Variants in STAB2 observed in about 807,000 individuals in gnomAD.
STAB2 encodes the protein stabilin 2, also known as stabilin-2.
In STAB2, 288 loss-of-function variants were observed where a neutral mutation model predicts 338.1. That is an observed-to-expected ratio of 0.85 (90% CI 0.77 to 0.94). The LOEUF (loss-of-function observed/expected upper bound fraction) is 0.94, where lower values mean the gene tolerates loss of function less well. STAB2 is among the 40% of genes least tolerant of loss of function. The probability of loss-of-function intolerance (pLI) is 0.00; values close to 1 mark genes in which losing one functional copy is unlikely to be tolerated. For missense variants in STAB2, 3,141 were observed against 3,210.1 expected, an observed-to-expected ratio of 0.98 and a Z score of 0.52; for synonymous variants, 1,202 against 1,193.3, an observed-to-expected ratio of 1.01 and a Z score of -0.15.
intron 20 of STAB2, 104 bp downstream of exon 20, chr12:103,668,833 C>T: frequency 1.0e-6 from 1 of 990,702 alleles, no homozygotes. Context: ...GTGGCCCGTG[C>T]TTGCTGTTGT....
At chr12:103,704,752 A>G (rs1593259620) in intron 36 of STAB2, 138 bp downstream of exon 36, 3 of 733,726 alleles carry the variant, frequency 4.1e-6, no homozygotes, top group Non-Finnish European at 6.4e-6. Context: ...TCGTTATATT[A>G]TATGCATCTT....
At chr12:103,737,598 CTCTTTCTCTTTTTTT>C in intron 52 of STAB2, 21 bp from the exon 53 acceptor site, 1 of 1,253,072 alleles carries the variant, frequency 8.0e-7, no homozygotes, top group Non-Finnish European at 1.1e-6. Context: ...CTCTCTCTCT[CTCTTTCTCTTTTTTT>C]TTTTTTTTTT....
rs201724797 is a variant in STAB2, at chr12:103,650,559, A to G, written c.1238A>G (p.Lys413Arg). Residue 413 changes from lysine (K) to arginine (R), a missense_variant, in exon 11 of 69, where the codon AAG (lysine) becomes AGG (arginine). By Grantham distance (26) the Lys-to-Arg change is conservative. Transcript: ENST00000388887. ...TTCACGGTGCTGTTACCTACAGACA[A>G]GGGACTGAAAGGATTCAATGTGAGT... ...GPFTVLLPTD[K>R]GLKGFNVNEL... 10 of 1,613,016 alleles carry G rather than the reference A, an allele frequency of 6.2e-6. No homozygotes were observed. Among genetic ancestry groups the G allele is most frequent in the Non-Finnish European group, 7.6e-6 (9 of 1,179,150 alleles).
At chr12:103,745,062 C>T in intron 56 of STAB2, 111 bp from the exon 57 acceptor site, 3 of 835,434 alleles carry the variant, frequency 3.6e-6, no homozygotes, top group Non-Finnish European at 3.6e-6. Flanking sequence ...ATGACTGTGA[C>T]ATAAGCATGG....
At chr12:103,646,764 G>A (rs756274386) in intron 9 of STAB2, among the ~76,000 whole-genome samples, 2 of 152,184 alleles carry the variant, frequency 1.3e-5, no homozygotes, top group Non-Finnish European at 2.9e-5. Flanking sequence ...TGCCCTAAGT[G>A]CTAGGATATA....
chr12:103,727,412 C>T lies in STAB2; in HGVS notation c.4935+62C>T, dbSNP rs972651308. On this transcript the variant is annotated intron_variant, in intron 47 of 68. Transcript: ENST00000388887. Reference sequence around the variant, plus strand: ...CGGCTGGAACATAGTCCTTGGGCCTCGCCCTGGAACCAAGACTGGAGATGT... The same window carrying T: ...CGGCTGGAACATAGTCCTTGGGCCTTGCCCTGGAACCAAGACTGGAGATGT... 14 of 1,562,762 alleles carry T rather than the reference C, an allele frequency of 9.0e-6. No individual in the cohort carries two copies. In the African/African-American group the frequency reaches 9.5e-5, roughly 11 times the overall value.
chr12:103,766,030 T>A (rs989109821), intron 68 of STAB2: 10 of 639,376 alleles, frequency 1.6e-5, no homozygotes, highest in Admixed American at 2.1e-5. Flanking sequence ...CCTTTGTAGA[T>A]GAAGAAACTG....
At chr12:103,677,188 T>C (rs151070109) in intron 24 of STAB2, among the ~76,000 whole-genome samples, 143 of 152,306 alleles carry the variant, frequency 9.4e-4, no homozygotes, top group African/African-American at 2.9e-3. Context: ...AAGATGATGG[T>C]TTACACCTGC....
chr12:103,620,779 C>T (rs563798934), intron 4 of STAB2, among the ~76,000 whole-genome samples: 25 of 152,298 alleles, frequency 1.6e-4, no homozygotes, highest in South Asian at 1.0e-3. Flanking sequence ...ATTAACTGCT[C>T]AGTCTTAAGC....
intron 55 of STAB2, among the ~76,000 whole-genome samples, chr12:103,742,017 G>T (rs1283143219): frequency 6.6e-6 from 1 of 152,166 alleles, no homozygotes; most frequent in Non-Finnish European, 1.5e-5. Flanking sequence ...AATGTTCTCA[G>T]TTATAATGCC....
chr12:103,643,943 T>C (rs1358829492), intron 9 of STAB2, among the ~76,000 whole-genome samples: 2 of 74,180 alleles, frequency 2.7e-5, no homozygotes, highest in African/African-American at 5.7e-5. Flanking sequence ...AGCCGCCCCG[T>C]CCGGGAGGTG....
At chr12:103,666,737 G>T (rs1875145702) in intron 19 of STAB2, among the ~76,000 whole-genome samples, 3 of 152,210 alleles carry the variant, frequency 2.0e-5, no homozygotes, top group Admixed American at 2.0e-4. Flanking sequence ...ATATTGTGCA[G>T]AACTGTCTGT....
In STAB2 at chr12:103,652,585, T is replaced by C; in HGVS notation, c.1287T>C (p.Ala429=). 6.3e-7 allele frequency: 1 copy of C among 1,596,938 alleles called. No individual in the cohort carries two copies. The highest frequency in any genetic ancestry group is 8.5e-7 in the Non-Finnish European group (1 of 1,173,344). Residue 429 remains alanine, a synonymous_variant, in exon 12 of 69, where the codon GCT becomes GCC. Transcript: ENST00000388887. The part of the protein sequence containing the change: ...NVNELLVDNK[A]AQYFVKLHII... Reference sequence around the variant, plus strand: ...ATGAGCTTTTGGTGGATAATAAAGCTGCTCAATACTTTGTGAAACTCCACA... The same window carrying C: ...ATGAGCTTTTGGTGGATAATAAAGCCGCTCAATACTTTGTGAAACTCCACA...
At chr12:103,746,823 C>T (rs181778556) in intron 58 of STAB2, 119 bp downstream of exon 58, 24 of 888,102 alleles carry the variant, frequency 2.7e-5, no homozygotes, top group Non-Finnish European at 4.1e-5. Context: ...TTCAGCAGCA[C>T]CTACCCTCTC....
chr12:103,699,923 G>A (rs1255328189), intron 34 of STAB2, among the ~76,000 whole-genome samples: 1 of 152,188 alleles, frequency 6.6e-6, no homozygotes, highest in South Asian at 2.1e-4. Flanking sequence ...GGATGGGAGG[G>A]AACCTGGGAG....
intron 2 of STAB2, among the ~76,000 whole-genome samples, chr12:103,592,462 A>T (rs896629631): frequency 6.6e-6 from 1 of 152,146 alleles, no homozygotes; most frequent in African/African-American, 2.4e-5. Context: ...AGATTTAATG[A>T]CTTTGGTCTA....
intron 3 of STAB2, among the ~76,000 whole-genome samples, chr12:103,618,395 C>T (rs892670200): frequency 2.6e-5 from 4 of 152,180 alleles, no homozygotes; most frequent in African/African-American, 7.2e-5. Flanking sequence ...TTGGACTTCC[C>T]AGACTACAGG....
chr12:103,716,747 G>A (rs534986858), intron 43 of STAB2, among the ~76,000 whole-genome samples: 9 of 152,200 alleles, frequency 5.9e-5, no homozygotes, highest in Non-Finnish European at 1.3e-4. Flanking sequence ...ATCTTTTGAG[G>A]TTTGGTAGTT....
chr12:103,596,725 T>C (rs1022885653), intron 3 of STAB2, among the ~76,000 whole-genome samples: 2 of 152,126 alleles, frequency 1.3e-5, no homozygotes, highest in African/African-American at 4.8e-5. Context: ...ATTCAAGATC[T>C]TTTAGCAGGT....
Sources: allele counts gnomAD v4.1 joint callset (sites outside exome capture counted in the v4.1 genomes callset), GRCh38; gene constraint gnomAD v4.1.1; transcripts MANE v1.5; gene names NCBI Gene and HGNC (gene_info 2026-07-23, HGNC 2026-07-21).